MFSD8: variants seen among roughly 807,000 people sequenced by gnomAD.
MFSD8 encodes major facilitator superfamily domain-containing protein 8.
A neutral mutation model predicts 66.4 loss-of-function variants in MFSD8; 55 were observed. The observed-to-expected ratio is 0.83, with a 90% CI of 0.67 to 1.04. The LOEUF (loss-of-function observed/expected upper bound fraction) is 1.04, where lower values mean the gene tolerates loss of function less well. Ranked by LOEUF, MFSD8 falls within the 50% of genes least tolerant of loss-of-function variation. The pLI, the probability that MFSD8 is intolerant of heterozygous loss-of-function variation, is 0.00. For synonymous variants in MFSD8, 202 were observed against 212.8 expected, an observed-to-expected ratio of 0.95 and a Z score of 0.44; for missense variants, 550 against 627.6, an observed-to-expected ratio of 0.88 and a Z score of 1.32.
chr4:127,943,825 T>G lies in MFSD8; in HGVS notation c.366A>C (p.Ala122=). Residue 122 remains alanine (A), a synonymous_variant, in exon 4 of 12, where the codon GCA becomes GCC. Transcript: ENST00000641686. ...TATGAGAAGCTGGGATGTGGAGATA[T>G]GCATAGAGGCAGTTGGCTGCCACGG... The part of the protein sequence containing the change: ...LISVAANCLY[A]YLHIPASHNK... The G allele has an allele frequency of 6.2e-7, 1 of 1,614,102 alleles. No homozygotes were observed. Among genetic ancestry groups the G allele is most frequent in the Non-Finnish European group, 8.5e-7 (1 of 1,180,024 alleles).
At chr4:127,930,459 TAG>T (rs1017012899) in intron 9 of MFSD8, among the ~76,000 whole-genome samples, 1 of 152,150 alleles carries the variant, frequency 6.6e-6, no homozygotes, top group African/African-American at 2.4e-5. Context: ...GAAAACATAG[TAG>T]ACAAAAGATA....
intron 5 of MFSD8, among the ~76,000 whole-genome samples, chr4:127,941,541 C>A (rs1740195023): frequency 6.6e-6 from 1 of 152,166 alleles, no homozygotes; most frequent in African/African-American, 2.4e-5. Flanking sequence ...CAGCTCACTG[C>A]AACCTCTGCC....
Position 127,918,661 on chromosome 4 carries a change from C to A in MFSD8, c.*1969G>T, listed in dbSNP as rs547746685. On this transcript the variant is annotated 3_prime_UTR_variant, in exon 12 of 12. Transcript: ENST00000641686. ...GGATATTTTCCTCACTATGAAAAATCAAGTGGTTAAGACTGTGGACTTTAA... is the reference window on the plus strand; with the variant it reads ...GGATATTTTCCTCACTATGAAAAATAAAGTGGTTAAGACTGTGGACTTTAA... 6.6e-6 allele frequency: 1 copy of A among 152,264 alleles called. No homozygotes were observed. The highest frequency in any genetic ancestry group is 1.5e-5 in the Non-Finnish European group (1 of 68,006). The allele number at this position is 152,264 out of a possible 1,614,324, so 9.4% of individuals were successfully genotyped here.
chr4:127,929,706 TAC>T (rs1158450168), intron 9 of MFSD8, among the ~76,000 whole-genome samples: 2 of 152,088 alleles, frequency 1.3e-5, no homozygotes, highest in Non-Finnish European at 2.9e-5. Flanking sequence ...TAGGTACAAA[TAC>T]ACAGTTAGAA....
In MFSD8 at chr4:127,920,149, A is replaced by G. The variant is rs1736159381; in HGVS notation, c.*481T>C. 6.3e-6 allele frequency: 1 copy of G among 159,526 alleles called. No homozygotes were observed. The highest frequency in any genetic ancestry group is 6.1e-5 in the Admixed American group (1 of 16,442). The allele number at this position is 159,526 out of a possible 1,614,324, so 9.9% of individuals were successfully genotyped here. ...TTTTATTTCATAAGTGAACTTGATA[A>G]TAGAAAATGCATTTTTTTATAAATA... On this transcript the variant is annotated 3_prime_UTR_variant, in exon 12 of 12. Coordinates refer to ENST00000641686, the MANE Select transcript of MFSD8 (RefSeq NM_001371596.2).
At chr4:127,951,227 T>G (rs1741901007) in intron 2 of MFSD8, among the ~76,000 whole-genome samples, 1 of 152,088 alleles carries the variant, frequency 6.6e-6, no homozygotes, top group African/African-American at 2.4e-5. Context: ...TTACAGTCAA[T>G]TTTATTTGAT....
At chr4:127,958,893 A>G (rs901802306) in intron 1 of MFSD8, among the ~76,000 whole-genome samples, 1 of 152,236 alleles carries the variant, frequency 6.6e-6, no homozygotes, top group African/African-American at 2.4e-5. Context: ...TAATAATTTA[A>G]TGGCCACTTT....
chr4:127,960,077 T>C (rs913775857), intron 1 of MFSD8, among the ~76,000 whole-genome samples: 1 of 152,200 alleles, frequency 6.6e-6, no homozygotes, highest in African/African-American at 2.4e-5. Flanking sequence ...AGATTTTCCT[T>C]CCAGTAAAAC....
At chr4:127,935,635 T>C (rs1738940971) in intron 7 of MFSD8, among the ~76,000 whole-genome samples, 1 of 152,160 alleles carries the variant, frequency 6.6e-6, no homozygotes. Flanking sequence ...AGAAATCTCA[T>C]AAAAGAAAAC....
chr4:127,921,182 G>A (rs554654017), intron 11 of MFSD8: 25 of 564,328 alleles, frequency 4.4e-5, no homozygotes, highest in African/African-American at 1.5e-4. Context: ...CACAAGTTTC[G>A]ATGACAGGTG....
At chr4:127,956,717 C>A (rs547275671) in intron 2 of MFSD8, among the ~76,000 whole-genome samples, 1 of 149,108 alleles carries the variant, frequency 6.7e-6, no homozygotes, top group African/African-American at 2.5e-5. Context: ...ACTTGGCAGG[C>A]TGGGGCAGGC....
chr4:127,952,232 T>C (rs900319010), intron 2 of MFSD8, among the ~76,000 whole-genome samples: 11 of 151,268 alleles, frequency 7.3e-5, no homozygotes, highest in African/African-American at 1.9e-4. Flanking sequence ...AGTGAAACCC[T>C]GTCTCTACTA....
chr4:127,939,674 C>T (rs1369443804), intron 6 of MFSD8, 179 bp downstream of exon 6: 1 of 294,500 alleles, frequency 3.4e-6, no homozygotes, highest in Non-Finnish European at 6.3e-6. Context: ...TCTCATTTAT[C>T]AGGTTGTCTT....
intron 4 of MFSD8, 169 bp downstream of exon 4, chr4:127,943,583 A>G: frequency 1.4e-6 from 1 of 725,140 alleles, no homozygotes; most frequent in South Asian, 1.8e-5. Context: ...TAATGAGAAC[A>G]TCATGAGCAA....
At chr4:127,935,965 C>T (rs1739003204) in intron 7 of MFSD8, among the ~76,000 whole-genome samples, 1 of 152,176 alleles carries the variant, frequency 6.6e-6, no homozygotes, top group South Asian at 2.1e-4. Flanking sequence ...CTCAGCATCT[C>T]ACTAGGGTTG....
intron 6 of MFSD8, 74 bp from the exon 7 acceptor site, chr4:127,938,912 T>C (rs555623978): frequency 1.3e-5 from 16 of 1,201,514 alleles, no homozygotes; most frequent in Non-Finnish European, 1.8e-5. Flanking sequence ...ATTATCGGCA[T>C]TGTATTTTTT....
intron 9 of MFSD8, among the ~76,000 whole-genome samples, chr4:127,929,421 T>TAA (rs35191908): frequency 0.026 from 3,182 of 123,548 alleles, 94 homozygotes; most frequent in African/African-American, 0.092. Context: ...TACAAAAAGT[T>TAA]AAAAAAAAAA....
At chr4:127,941,971 G>T in intron 5 of MFSD8, 74 bp downstream of exon 5, 1 of 1,163,844 alleles carries the variant, frequency 8.6e-7, no homozygotes, top group Non-Finnish European at 1.3e-6. Flanking sequence ...TTTATACTTG[G>T]GTTACACTGA....
intron 8 of MFSD8, chr4:127,932,759 CAG>C (rs1191520158): frequency 4.9e-6 from 2 of 404,742 alleles, no homozygotes. Flanking sequence ...AGTAGTGAAA[CAG>C]ATTCTTTTAT....
Sources: gnomAD v4.1 joint callset for allele counts (sites outside exome capture counted in the v4.1 genomes callset) on GRCh38, gnomAD v4.1.1 for gene constraint, MANE v1.5 for transcripts, NCBI Gene and HGNC (gene_info 2026-07-23, HGNC 2026-07-21) for gene names.